The following PSG6 variants were observed in gnomAD, a reference collection of about 807,000 sequenced individuals.
The protein encoded by PSG6 is pregnancy-specific beta-1-glycoprotein 6.
Under a neutral mutation model 43.3 loss-of-function variants are expected in PSG6, and 51 were observed. That is an observed-to-expected ratio of 1.18 (90% CI 0.94 to 1.49). The LOEUF (loss-of-function observed/expected upper bound fraction) is 1.49. Among genes scored for constraint, PSG6 ranks in the 40% most tolerant of loss-of-function variants. PSG6 has a pLI of 0.00. For synonymous variants in PSG6, 292 were observed against 197.6 expected (o/e 1.48, Z -4.01); for missense variants, 770 against 522.2 (o/e 1.47, Z -4.62).
At position 42,917,818 on chromosome 19, in the gene PSG6, C is replaced by G. The variant is rs772075971; in HGVS notation, c.-26G>C. On this transcript the variant is annotated 5_prime_UTR_variant, in exon 1 of 6. Transcript: ENST00000187910. Reference sequence around the variant, plus strand: ...GGTCTCTGCTGTCTGTGTGTTCTCCCCTGTGGAGATGAGCCTAGGATCCAG... The same window carrying G: ...GGTCTCTGCTGTCTGTGTGTTCTCCGCTGTGGAGATGAGCCTAGGATCCAG... 1 of 1,603,732 alleles carries G rather than the reference C, an allele frequency of 6.2e-7. No homozygotes were observed. The highest frequency in any genetic ancestry group is 8.5e-7 in the Non-Finnish European group (1 of 1,174,258).
chr19:42,903,697 TAGGTA>T, intron 5 of PSG6: 1 of 1,523,612 alleles, frequency 6.6e-7, no homozygotes, highest in Non-Finnish European at 8.8e-7. Flanking sequence ...TGGACCAGCA[TAGGTA>T]ACCTGGGGAG....
Position 42,916,294 on chromosome 19 carries a change from A to G in PSG6, c.258T>C (p.Gly86=), listed in dbSNP as rs190771825. ...YHYITSYVVH[G]QIIYGPAYSG... is the part of the protein sequence containing the mutation. ...TGTAGGCAGGCCCATATATAATTTGACCGTGTACTACATATGATGTAATGT... is the reference window on the plus strand; with the variant it reads ...TGTAGGCAGGCCCATATATAATTTGGCCGTGTACTACATATGATGTAATGT... The change falls in exon 2 of 6, where the codon GGT becomes GGC. Residue 86 remains glycine (G), a synonymous_variant. Coordinates refer to ENST00000187910, the MANE Select transcript of PSG6 (RefSeq NM_001031850.4). 6.2e-7 allele frequency: 1 copy of G among 1,611,996 alleles called. No homozygotes were observed. The highest frequency in any genetic ancestry group is 2.2e-5 in the East Asian group (1 of 44,764).
rs1240573033 is a variant in PSG6, at chr19:42,912,750, G to T, written c.428-1892C>A. Among the ~76,000 whole-genome samples, 4 of 151,712 alleles carry T rather than the reference G, an allele frequency of 2.6e-5. No individual in the cohort carries two copies. In the East Asian group the frequency reaches 7.8e-4, roughly 29 times the overall value. On this transcript the variant is annotated intron_variant, in intron 2 of 5. Coordinates refer to ENST00000187910, the MANE Select transcript of PSG6 (RefSeq NM_001031850.4). Reference sequence around the variant, plus strand: ...TTTAAGTTTGTGTGAATTAGGAAGAGTCTAAGTGAGATGCCAATGGCTCTT... The same window carrying T: ...TTTAAGTTTGTGTGAATTAGGAAGATTCTAAGTGAGATGCCAATGGCTCTT...
rs111350515 is a variant in PSG6, at chr19:42,907,737, T to C, written c.824A>G (p.Asn275Ser). The change falls in exon 4 of 6, where the codon AAT (asparagine) becomes AGT (serine). Residue 275 changes from asparagine to serine, a missense_variant. By Grantham distance (46) the Asn-to-Ser change is conservative. Transcript: ENST00000187910. The stretch of plus-strand genomic sequence containing the variant: ...CGGACTGACCGGGAGGCTCTGACCA[T>C]TTAGCCACCAAATGTAGGTGTAGTT... ...SRNYTYIWWL[N>S]GQSLPVSPRV... is the part of the protein sequence containing the mutation. 1.7e-5 allele frequency: 28 copies of C among 1,610,844 alleles called. No homozygotes were observed. The highest frequency in any genetic ancestry group is 1.7e-4 in the African/African-American group (13 of 74,820).
intron 2 of PSG6, among the ~76,000 whole-genome samples, chr19:42,914,790 C>T (rs915829167): frequency 2.0e-5 from 3 of 151,552 alleles, no homozygotes; most frequent in African/African-American, 7.3e-5. Flanking sequence ...TCTCACTGGG[C>T]CTGTGCTGAG....
chr19:42,917,826 G>A lies in PSG6; in HGVS notation c.-34C>T. ...CTGTCTGTGTGTTCTCCCCTGTGGA[G>A]ATGAGCCTAGGATCCAGAGACTTCC... On this transcript the variant is annotated 5_prime_UTR_variant, in exon 1 of 6. Transcript: ENST00000187910. 1.9e-6 allele frequency: 3 copies of A among 1,599,978 alleles called. No homozygotes were observed. The highest frequency in any genetic ancestry group is 2.6e-6 in the Non-Finnish European group (3 of 1,172,014).
intron 2 of PSG6, among the ~76,000 whole-genome samples, chr19:42,912,626 T>C (rs1972248816): frequency 6.6e-6 from 1 of 151,866 alleles, no homozygotes; most frequent in South Asian, 2.1e-4. Context: ...AACCTGCTTC[T>C]AATTTCTGTG....
intron 1 of PSG6, among the ~76,000 whole-genome samples, chr19:42,916,909 C>T (rs1219609807): frequency 2.0e-5 from 3 of 151,382 alleles, no homozygotes; most frequent in Non-Finnish European, 4.4e-5. Flanking sequence ...CTTGTCAACA[C>T]CTGACCTCAC....
chr19:42,912,722 A>G (rs10424710), intron 2 of PSG6, among the ~76,000 whole-genome samples: 3,372 of 151,852 alleles, frequency 0.022, 167 homozygotes, highest in African/African-American at 0.076. Context: ...AACACCACTA[A>G]AATTTAAGTT....
intron 3 of PSG6, among the ~76,000 whole-genome samples, chr19:42,908,989 T>C (rs1015335627): frequency 2.0e-5 from 3 of 151,684 alleles, no homozygotes; most frequent in African/African-American, 7.3e-5. Flanking sequence ...GCTTGATGCC[T>C]ATAGTTCACA....
intron 5 of PSG6, 162 bp downstream of exon 5, chr19:42,906,760 G>A (rs1972119187): frequency 2.2e-5 from 35 of 1,574,608 alleles, no homozygotes; most frequent in Non-Finnish European, 2.9e-5. Context: ...AAGCAGAAGA[G>A]AGTCTGTAGA....
At chr19:42,910,543 T>C (rs1439720406) in intron 3 of PSG6, 37 bp downstream of exon 3, 2 of 1,612,500 alleles carry the variant, frequency 1.2e-6, no homozygotes, top group Non-Finnish European at 8.5e-7. Context: ...GTATTTGGGA[T>C]GGCAGCCTGG....
At chr19:42,914,380 G>T (rs1234809511) in intron 2 of PSG6, among the ~76,000 whole-genome samples, 2 of 150,942 alleles carry the variant, frequency 1.3e-5, no homozygotes, top group East Asian at 1.9e-4. Flanking sequence ...AAGAAGCTGT[G>T]CAGGACAGGG....
chr19:42,907,850 C>T lies in PSG6; in HGVS notation c.711G>A (p.Lys237=). The T allele has an allele frequency of 6.2e-7, 1 of 1,610,902 alleles. No homozygotes were observed. ...SDPVTLNLLP[K]LPMPYITINN... ...TGATGGTGATGTAAGGCATGGGCAG[C>T]TTCGCTGTGTGGATAACAGAAGATT... The change falls in exon 4 of 6, where the codon AAG becomes AAA. Residue 237 remains lysine (K), a synonymous_variant. Coordinates refer to ENST00000187910, the MANE Select transcript of PSG6 (RefSeq NM_001031850.4).
At chr19:42,917,366 T>A (rs1331164203) in intron 1 of PSG6, among the ~76,000 whole-genome samples, 1,358 of 71,144 alleles carry the variant, frequency 0.019, 44 homozygotes, top group African/African-American at 0.076. Flanking sequence ...TTTTATTCTT[T>A]TTTTTTTTTT....
At chr19:42,914,375 G>A (rs1232610358) in intron 2 of PSG6, among the ~76,000 whole-genome samples, 1 of 150,990 alleles carries the variant, frequency 6.6e-6, no homozygotes, top group Non-Finnish European at 1.5e-5. Flanking sequence ...GGAGGAAGAA[G>A]CTGTGCAGGA....
chr19:42,910,833 G>C lies in PSG6; in HGVS notation c.453C>G (p.Ser151=), dbSNP rs1488840103. The change falls in exon 3 of 6, where the codon TCC becomes TCG. Residue 151 remains serine, a synonymous_variant. Coordinates refer to ENST00000187910, the MANE Select transcript of PSG6 (RefSeq NM_001031850.4). ...CCTCCCTGGGGTTTAAGTTGCTGCTGGAGATGGAGGGCTTGGGAGTCTCCG... is the reference window on the plus strand; with the variant it reads ...CCTCCCTGGGGTTTAAGTTGCTGCTCGAGATGGAGGGCTTGGGAGTCTCCG... ...LYSETPKPSI[S]SSNLNPREVM... 1.7e-5 allele frequency: 27 copies of C among 1,611,394 alleles called. No homozygotes were observed. Among genetic ancestry groups the C allele is most frequent in the Non-Finnish European group, 2.1e-5 (25 of 1,178,732 alleles).
In PSG6 at chr19:42,908,337, G is replaced by T. The variant is rs139666909; in HGVS notation, c.707-483C>A. ...TGTCCTGAAACCCTGCAGATACTGA[G>T]CAGCCTGGCCTGGGACTGGATGTTT... On this transcript the variant is annotated intron_variant, in intron 3 of 5. Transcript: ENST00000187910. 5.0e-4 allele frequency among the ~76,000 whole-genome samples: 76 copies of T among 151,830 alleles called. 3 individuals are homozygous for T. The highest frequency in any genetic ancestry group is 3.3e-3 in the East Asian group (17 of 5,164).
At chr19:42,906,069 C>A (rs550044911) in intron 5 of PSG6, among the ~76,000 whole-genome samples, 2 of 151,628 alleles carry the variant, frequency 1.3e-5, no homozygotes, top group African/African-American at 4.8e-5. Flanking sequence ...TAAAGTGTCT[C>A]GTGGTCTTGC....
Sources: gnomAD v4.1 joint callset for allele counts (sites outside exome capture counted in the v4.1 genomes callset) on GRCh38, gnomAD v4.1.1 for gene constraint, MANE v1.5 for transcripts, NCBI Gene and HGNC (gene_info 2026-07-23, HGNC 2026-07-21) for gene names.